The following DYNC1I2 variants were observed in gnomAD, a reference collection of about 807,000 sequenced individuals.
The protein encoded by DYNC1I2 is cytoplasmic dynein 1 intermediate chain 2.
DYNC1I2 carries 53 observed loss-of-function variants against 88.6 expected under a neutral mutation model. That is an observed-to-expected ratio of 0.60 (90% confidence interval 0.48 to 0.75). The LOEUF is 0.75. Ranked by LOEUF, DYNC1I2 falls within the 30% of genes least tolerant of loss-of-function variation. DYNC1I2 has a pLI of 0.00. For synonymous variants in DYNC1I2, 198 were observed against 254.6 expected (o/e 0.78, Z 2.12); for missense variants, 458 against 766.6 (o/e 0.60, Z 4.75).
At chr2:171,707,914 A>C (rs1351529805) in intron 5 of DYNC1I2, among the ~76,000 whole-genome samples, 1 of 152,204 alleles carries the variant, frequency 6.6e-6, no homozygotes, top group Admixed American at 6.5e-5. Context: ...AGCATTCCTG[A>C]ACTTGCATCT....
chr2:171,736,226 G>T (rs895050702), intron 15 of DYNC1I2, among the ~76,000 whole-genome samples: 13 of 152,180 alleles, frequency 8.5e-5, no homozygotes, highest in African/African-American at 3.1e-4. Flanking sequence ...CTGCGCAGCA[G>T]CATTTGCCTC....
chr2:171,695,043 A>C (rs1685662272), intron 3 of DYNC1I2, among the ~76,000 whole-genome samples: 1 of 151,502 alleles, frequency 6.6e-6, no homozygotes, highest in South Asian at 2.1e-4. Context: ...TTCCATTCTC[A>C]TTCCCACTAA....
At chr2:171,713,296 GAATA>G (rs541494558) in intron 6 of DYNC1I2, among the ~76,000 whole-genome samples, 42 of 152,052 alleles carry the variant, frequency 2.8e-4, no homozygotes, top group Non-Finnish European at 4.7e-4. Context: ...CATGAATCTA[GAATA>G]AATAAATGAG....
At chr2:171,702,453 GA>G (rs1172771675) in intron 3 of DYNC1I2, among the ~76,000 whole-genome samples, 1 of 152,178 alleles carries the variant, frequency 6.6e-6, no homozygotes, top group Non-Finnish European at 1.5e-5. Context: ...GGATACGGAT[GA>G]AGGCCATGGC....
chr2:171,722,516 G>A (rs1687967514), intron 7 of DYNC1I2, among the ~76,000 whole-genome samples: 1 of 152,094 alleles, frequency 6.6e-6, no homozygotes, highest in African/African-American at 2.4e-5. Context: ...CTCTGTTACA[G>A]TCTTTTCCAG....
rs570255769 is a variant in DYNC1I2, at chr2:171,733,279, G to T, written c.1536+3426G>T. Among the ~76,000 whole-genome samples the T allele has an allele frequency of 9.9e-5, 15 of 152,006 alleles. No individual in the cohort carries two copies. In the South Asian group the frequency reaches 2.9e-3, roughly 29 times the overall value. ...TTAGGCTGATTCCATGTCTTTGCTA[G>T]TGTCTTTATAATAGAGTGATTGATA... is the stretch of plus-strand genomic sequence containing the variant. On this transcript the variant is annotated intron_variant, in intron 15 of 17. Coordinates refer to ENST00000397119, the MANE Select transcript of DYNC1I2 (RefSeq NM_001378.3).
intron 7 of DYNC1I2, among the ~76,000 whole-genome samples, chr2:171,716,475 C>T (rs1319042630): frequency 6.6e-6 from 1 of 151,926 alleles, no homozygotes; most frequent in African/African-American, 2.4e-5. Context: ...CATGTTTCTC[C>T]ATTAAGGAAA....
intron 15 of DYNC1I2, among the ~76,000 whole-genome samples, chr2:171,739,529 A>G (rs1689249262): frequency 6.6e-6 from 1 of 152,082 alleles, no homozygotes; most frequent in Non-Finnish European, 1.5e-5. Context: ...TCTAAAAAAT[A>G]AAACCTCTTT....
intron 1 of DYNC1I2, chr2:171,688,127 C>G (rs1464806340): frequency 6.6e-6 from 1 of 152,354 alleles, no homozygotes; most frequent in African/African-American, 2.4e-5. Flanking sequence ...GACGCCCTGC[C>G]GTGGACCGCG....
intron 2 of DYNC1I2, 113 bp from the exon 3 acceptor site, chr2:171,692,664 A>G (rs1206533647): frequency 1.5e-6 from 1 of 676,740 alleles, no homozygotes; most frequent in East Asian, 2.8e-5. Flanking sequence ...CCTGTACTCA[A>G]AACTAAGTTC....
intron 7 of DYNC1I2, 89 bp from the exon 8 acceptor site, chr2:171,725,529 C>A: frequency 1.2e-6 from 1 of 857,436 alleles, no homozygotes; most frequent in African/African-American, 1.8e-5. Context: ...GAAATACTGT[C>A]TCAAAAGTTA....
chr2:171,695,597 A>G (rs964511969), intron 3 of DYNC1I2, among the ~76,000 whole-genome samples: 1 of 152,002 alleles, frequency 6.6e-6, no homozygotes, highest in African/African-American at 2.4e-5. Flanking sequence ...TTACTTATCC[A>G]TTCCCCCAGT....
At chr2:171,698,633 G>A (rs898903163) in intron 3 of DYNC1I2, among the ~76,000 whole-genome samples, 2 of 152,044 alleles carry the variant, frequency 1.3e-5, no homozygotes, top group African/African-American at 2.4e-5. Flanking sequence ...ACTTTGGGAG[G>A]CTGAGGCGGG....
intron 15 of DYNC1I2, among the ~76,000 whole-genome samples, chr2:171,732,847 T>G (rs1688716719): frequency 6.6e-6 from 1 of 152,202 alleles, no homozygotes; most frequent in African/African-American, 2.4e-5. Context: ...TTTCGGTAAT[T>G]GAAAGTAATC....
In DYNC1I2 at chr2:171,725,601, T is replaced by G. The variant is rs1192181022; in HGVS notation, c.512-17T>G. 19 of 1,281,340 alleles carry G rather than the reference T, an allele frequency of 1.5e-5. No individual in the cohort carries two copies. Among genetic ancestry groups the G allele is most frequent in the Middle Eastern group, 2.7e-4 (1 of 3,650 alleles). 79.4% of individuals were successfully genotyped at this position (1,281,340 alleles called of 1,614,324 possible). On this transcript the variant is annotated splice_polypyrimidine_tract_variant and intron_variant, in intron 7 of 17. Transcript: ENST00000397119. ...CTGTTTTTTTGTTTTTTTGTTTGTT[T>G]TTTTTTTTTTTTTCAGATGAAGAGG...
At chr2:171,733,215 TACC>T (rs1241704582) in intron 15 of DYNC1I2, among the ~76,000 whole-genome samples, 3 of 152,220 alleles carry the variant, frequency 2.0e-5, no homozygotes, top group Admixed American at 6.5e-5. Context: ...GGTGTATATG[TACC>T]ACATTTTCTT....
Position 171,728,894 on chromosome 2 carries a change from T to G in DYNC1I2, c.1391+44T>G, listed in dbSNP as rs373984444. ...TTGCAATAATTTAAAATTCCTCCTTTAATCCCATTGAAACAAATTGTCTTA... is the reference window on the plus strand; with the variant it reads ...TTGCAATAATTTAAAATTCCTCCTTGAATCCCATTGAAACAAATTGTCTTA... On this transcript the variant is annotated intron_variant, in intron 14 of 17. Coordinates refer to ENST00000397119, the MANE Select transcript of DYNC1I2 (RefSeq NM_001378.3). 2.2e-5 allele frequency: 34 copies of G among 1,557,028 alleles called. No homozygotes were observed. In the African/African-American group the frequency reaches 3.7e-4, roughly 17 times the overall value.
At chr2:171,695,022 C>T (rs77255132) in intron 3 of DYNC1I2, among the ~76,000 whole-genome samples, 1,884 of 152,216 alleles carry the variant, frequency 0.012, 21 homozygotes, top group Non-Finnish European at 0.018. Flanking sequence ...TCCCTCATTT[C>T]TCATCTCTAA....
intron 3 of DYNC1I2, among the ~76,000 whole-genome samples, 193 bp from the exon 4 acceptor site, chr2:171,706,354 C>T (rs536356644): frequency 8.5e-4 from 130 of 152,162 alleles, no homozygotes; most frequent in African/African-American, 2.1e-3. Context: ...CTCCCTGCAA[C>T]GGTAATCAAA....
Sources: gnomAD v4.1 joint callset for allele counts (sites outside exome capture counted in the v4.1 genomes callset) on GRCh38, gnomAD v4.1.1 for gene constraint, MANE v1.5 for transcripts, NCBI Gene and HGNC (gene_info 2026-07-23, HGNC 2026-07-21) for gene names.